The following CACNA2D3 variants were observed in gnomAD, a reference collection of about 807,000 sequenced individuals.
The protein encoded by CACNA2D3 is calcium voltage-gated channel auxiliary subunit alpha2delta 3.
Under a neutral mutation model 160.6 loss-of-function variants are expected in CACNA2D3, and 60 were observed. The ratio of observed to expected loss-of-function variants is 0.37; its 90% CI spans 0.30 to 0.46. The LOEUF is 0.46. Among genes scored for constraint, CACNA2D3 ranks in the 20% least tolerant of loss-of-function variants. The pLI, the probability that CACNA2D3 is intolerant of heterozygous loss-of-function variation, is 1.00. For synonymous variants in CACNA2D3, 558 were observed against 492.9 expected (o/e 1.13, Z -1.75); for missense variants, 1,205 against 1,365.0 (o/e 0.88, Z 1.85).
rs149233964 is a variant in CACNA2D3, at chr3:54,208,344, G to A, written c.204+84750G>A. On this transcript the variant is annotated intron_variant, in intron 2 of 37. Transcript: ENST00000474759. ...GCTGGTCTCAAACTCCTGACCTCAA[G>A]TGATCTGTCTATCTCGGCCTTCCAA... 6.6e-5 allele frequency among the ~76,000 whole-genome samples: 10 copies of A among 152,308 alleles called. No homozygotes were observed. In the East Asian group the frequency reaches 1.9e-3, roughly 29 times the overall value.
intron 4 of CACNA2D3, among the ~76,000 whole-genome samples, chr3:54,497,358 T>G (rs1271908386): frequency 6.6e-6 from 1 of 152,084 alleles, no homozygotes; most frequent in Non-Finnish European, 1.5e-5. Flanking sequence ...ATAGTTTAAT[T>G]GATACCTGTT....
At chr3:54,860,716 A>C (rs1164673801) in intron 17 of CACNA2D3, among the ~76,000 whole-genome samples, 12 of 152,124 alleles carry the variant, frequency 7.9e-5, no homozygotes, top group Admixed American at 7.9e-4. Flanking sequence ...CAGTGATTTC[A>C]GCTCCAGACT....
intron 27 of CACNA2D3, chr3:54,927,905 C>A (rs1701071496): frequency 1.9e-6 from 3 of 1,613,694 alleles, no homozygotes; most frequent in Non-Finnish European, 2.5e-6. Context: ...CAGGGCTCAC[C>A]TTTCATGACT....
intron 2 of CACNA2D3, among the ~76,000 whole-genome samples, chr3:54,236,057 C>A (rs778389642): frequency 6.6e-6 from 1 of 152,206 alleles, no homozygotes; most frequent in Non-Finnish European, 1.5e-5. Context: ...TCCCCAAAAC[C>A]TGTAACCTCA....
At chr3:54,582,304 G>A (rs536447542) in intron 9 of CACNA2D3, among the ~76,000 whole-genome samples, 13 of 152,270 alleles carry the variant, frequency 8.5e-5, no homozygotes, top group Admixed American at 7.8e-4. Flanking sequence ...GCTTTTCAAG[G>A]ATAGGAATGC....
chr3:54,484,858 T>C (rs563049302), intron 4 of CACNA2D3, among the ~76,000 whole-genome samples: 14 of 151,682 alleles, frequency 9.2e-5, no homozygotes, highest in Middle Eastern at 3.4e-3. Flanking sequence ...TTTTTTTTTT[T>C]TTTTGGGGGA....
At chr3:54,991,286 A>G (rs1244963061) in intron 31 of CACNA2D3, among the ~76,000 whole-genome samples, 27 of 150,390 alleles carry the variant, frequency 1.8e-4, no homozygotes, top group Admixed American at 1.7e-3. Context: ...GCAGTGGTAC[A>G]ATCTCAGCTC....
chr3:54,850,572 C>A (rs1699036808), intron 17 of CACNA2D3, among the ~76,000 whole-genome samples: 1 of 152,096 alleles, frequency 6.6e-6, no homozygotes, highest in African/African-American at 2.4e-5. Context: ...ATTGGTCATC[C>A]ATCTGTCCCT....
intron 9 of CACNA2D3, among the ~76,000 whole-genome samples, chr3:54,603,107 C>A (rs1374381604): frequency 6.6e-6 from 1 of 152,214 alleles, no homozygotes; most frequent in Non-Finnish European, 1.5e-5. Flanking sequence ...GGGCAAGCTT[C>A]AATCAGCTAT....
intron 5 of CACNA2D3, among the ~76,000 whole-genome samples, chr3:54,506,036 T>G (rs1324746839): frequency 6.6e-6 from 1 of 152,230 alleles, no homozygotes; most frequent in East Asian, 1.9e-4. Flanking sequence ...CTGTGGGGCA[T>G]GGACCAGGGT....
At chr3:54,147,852 G>C (rs1700065243) in intron 2 of CACNA2D3, among the ~76,000 whole-genome samples, 1 of 152,224 alleles carries the variant, frequency 6.6e-6, no homozygotes, top group South Asian at 2.1e-4. Flanking sequence ...CTGTCGCCCA[G>C]CTGGAGTGCA....
chr3:54,843,584 C>G (rs1164558225), intron 16 of CACNA2D3, among the ~76,000 whole-genome samples: 1 of 152,208 alleles, frequency 6.6e-6, no homozygotes, highest in Non-Finnish European at 1.5e-5. Flanking sequence ...GCCTATGGCT[C>G]TGTCTTACAT....
intron 9 of CACNA2D3, among the ~76,000 whole-genome samples, chr3:54,615,375 C>T (rs1183406919): frequency 3.9e-5 from 6 of 152,172 alleles, no homozygotes; most frequent in Non-Finnish European, 8.8e-5. Context: ...ATCTCACCAT[C>T]AATTAAAATA....
chr3:55,060,906 G>C (rs956386257), intron 35 of CACNA2D3, among the ~76,000 whole-genome samples: 1 of 152,172 alleles, frequency 6.6e-6, no homozygotes, highest in Admixed American at 6.5e-5. Context: ...TTCCATGGGG[G>C]TTTCTCTCCC....
At chr3:54,508,092 G>T (rs962634679) in intron 5 of CACNA2D3, among the ~76,000 whole-genome samples, 5 of 152,232 alleles carry the variant, frequency 3.3e-5, no homozygotes, top group Non-Finnish European at 5.9e-5. Flanking sequence ...GTCCAAGGGG[G>T]CTGTGGAGTG....
intron 5 of CACNA2D3, among the ~76,000 whole-genome samples, chr3:54,516,422 C>T (rs578128358): frequency 2.6e-5 from 4 of 152,296 alleles, no homozygotes; most frequent in South Asian, 2.1e-4. Context: ...CCTCACTTCA[C>T]GGTGGTAGAA....
chr3:54,863,445 A>G (rs78947822), intron 17 of CACNA2D3, among the ~76,000 whole-genome samples: 4,693 of 152,152 alleles, frequency 0.031, 277 homozygotes, highest in African/African-American at 0.11. Flanking sequence ...TCTCTGTCCC[A>G]TTGCCGGCAC....
At chr3:55,006,655 C>T (rs962163740) in intron 32 of CACNA2D3, among the ~76,000 whole-genome samples, 1 of 152,138 alleles carries the variant, frequency 6.6e-6, no homozygotes, top group Non-Finnish European at 1.5e-5. Context: ...GCAAGAGATA[C>T]ACCAAGTCTG....
At chr3:54,344,067 GCAAA>G (rs1346507320) in intron 3 of CACNA2D3, among the ~76,000 whole-genome samples, 4 of 152,160 alleles carry the variant, frequency 2.6e-5, no homozygotes, top group African/African-American at 7.2e-5. Flanking sequence ...TTATTTTGCT[GCAAA>G]TTATCTCACC....
Sources: gnomAD v4.1 joint callset for allele counts (sites outside exome capture counted in the v4.1 genomes callset) on GRCh38, gnomAD v4.1.1 for gene constraint, MANE v1.5 for transcripts, NCBI Gene and HGNC (gene_info 2026-07-23, HGNC 2026-07-21) for gene names.